The following RPF2 variants were observed in gnomAD, a reference collection of about 807,000 sequenced individuals.
The protein encoded by RPF2 is brix domain containing 1.
A neutral mutation model predicts 38.9 loss-of-function variants in RPF2; 21 were observed. The ratio of observed to expected loss-of-function variants is 0.54; its 90% CI spans 0.38 to 0.78. The LOEUF (loss-of-function observed/expected upper bound fraction) is 0.78. Ranked by LOEUF, RPF2 falls within the 30% of genes least tolerant of loss-of-function variation. RPF2 has a pLI of 0.00. For synonymous variants in RPF2, 121 were observed against 126.2 expected, an observed-to-expected ratio of 0.96 and a Z score of 0.28; for missense variants, 314 against 358.1, an observed-to-expected ratio of 0.88 and a Z score of 0.99.
At chr6:110,997,843 G>A (rs911127745) in intron 5 of RPF2, among the ~76,000 whole-genome samples, 11 of 151,878 alleles carry the variant, frequency 7.2e-5, no homozygotes, top group South Asian at 2.1e-4. Context: ...GGCTTTATAT[G>A]TGTTGGTATG....
chr6:110,998,690 C>G (rs578221174), intron 5 of RPF2, among the ~76,000 whole-genome samples: 2 of 152,080 alleles, frequency 1.3e-5, no homozygotes, highest in Admixed American at 6.6e-5. Flanking sequence ...CCCACTCACC[C>G]GACCCCAACC....
chr6:110,983,799 G>T (rs1181003726), intron 1 of RPF2, among the ~76,000 whole-genome samples: 1 of 139,850 alleles, frequency 7.2e-6, no homozygotes, highest in African/African-American at 2.7e-5. Context: ...GCTGAGGCGG[G>T]GGGGTGGGTC....
chr6:110,982,939 G>T (rs1771457829), intron 1 of RPF2, among the ~76,000 whole-genome samples: 1 of 152,194 alleles, frequency 6.6e-6, no homozygotes. Context: ...ATTTGCATTT[G>T]TTGCTGTTTA....
chr6:111,003,129 A>G (rs920777653), intron 6 of RPF2, among the ~76,000 whole-genome samples: 1 of 145,364 alleles, frequency 6.9e-6, no homozygotes, highest in Non-Finnish European at 1.5e-5. Context: ...AGTGTCACCA[A>G]TACCCCATTA....
chr6:111,012,945 C>T (rs761775948), intron 7 of RPF2, among the ~76,000 whole-genome samples: 198 of 152,338 alleles, frequency 1.3e-3, no homozygotes, highest in Non-Finnish European at 2.0e-3. Context: ...GCTGGGATTA[C>T]AGGCATGAGC....
Position 110,983,759 on chromosome 6 carries a change from C to T in RPF2, c.24-1247C>T, listed in dbSNP as rs535540574. Among the ~76,000 whole-genome samples the T allele has an allele frequency of 9.9e-5, 15 of 151,894 alleles. No homozygotes were observed. The South Asian group carries it at 2.9e-3, about 29-fold the overall frequency. On this transcript the variant is annotated intron_variant, in intron 1 of 9. Transcript: ENST00000441448. ...AAGAATTGTAACTCGCGCGTGGAGG[C>T]TCACGCCTGTAATCCCAGCACTTTG...
intron 9 of RPF2, among the ~76,000 whole-genome samples, chr6:111,024,751 A>G (rs1387572410): frequency 1.3e-5 from 2 of 152,134 alleles, no homozygotes; most frequent in African/African-American, 4.8e-5. Flanking sequence ...GATCAATACA[A>G]TAGATTAAAC....
chr6:111,024,234 G>C lies in RPF2; in HGVS notation c.648G>C (p.Glu216Asp), dbSNP rs927800757. 2 of 1,611,664 alleles carry C rather than the reference G, an allele frequency of 1.2e-6. No homozygotes were observed. Among genetic ancestry groups the C allele is most frequent in the African/African-American group, 1.3e-5 (1 of 74,834 alleles). The change falls in exon 9 of 10, where the codon GAG becomes GAC. Residue 216 changes from glutamate (E) to aspartate (D), a missense_variant. Glu to Asp is a conservative substitution (Grantham distance 45, BLOSUM62 2). Transcript: ENST00000441448. ...GAACACCACGGATTGAATTGGAAGAGATGGGACCCTCATTGGATCTGGTTC... is the reference window on the plus strand; with the variant it reads ...GAACACCACGGATTGAATTGGAAGACATGGGACCCTCATTGGATCTGGTTC... ...GCRTPRIELE[E>D]MGPSLDLVLR...
At chr6:111,019,771 T>G (rs577690262) in intron 8 of RPF2, among the ~76,000 whole-genome samples, 28 of 152,270 alleles carry the variant, frequency 1.8e-4, no homozygotes, top group Middle Eastern at 3.4e-3. Context: ...AAAATTACCT[T>G]CAGGCTATGT....
chr6:111,013,914 A>G (rs1772060884), intron 7 of RPF2, among the ~76,000 whole-genome samples: 1 of 152,138 alleles, frequency 6.6e-6, no homozygotes. Context: ...AGGCAGGAGG[A>G]GTGCTTGAGT....
chr6:111,008,556 C>A (rs1771957249), intron 7 of RPF2, among the ~76,000 whole-genome samples: 1 of 152,080 alleles, frequency 6.6e-6, no homozygotes, highest in Non-Finnish European at 1.5e-5. Flanking sequence ...TTCCTGCACC[C>A]ATCTCCTGTC....
chr6:110,992,302 C>T (rs550866829), intron 4 of RPF2, among the ~76,000 whole-genome samples: 1 of 151,772 alleles, frequency 6.6e-6, no homozygotes, highest in Non-Finnish European at 1.5e-5. Flanking sequence ...AAGGGTGAAA[C>T]TCCGGCTCAA....
chr6:111,011,967 T>C (rs1220425429), intron 7 of RPF2, among the ~76,000 whole-genome samples: 3 of 152,024 alleles, frequency 2.0e-5, no homozygotes, highest in African/African-American at 7.2e-5. Flanking sequence ...GTTTTCAGTA[T>C]AAATATGAAG....
chr6:110,991,443 G>A (rs1241076444), intron 3 of RPF2, among the ~76,000 whole-genome samples: 1 of 140,858 alleles, frequency 7.1e-6, no homozygotes, highest in Non-Finnish European at 1.5e-5. Context: ...ATTGAATACT[G>A]TCAATCCGTG....
In RPF2 at chr6:111,027,115, A is replaced by T. The variant is rs1200714535; in HGVS notation, c.*1533A>T. On this transcript the variant is annotated 3_prime_UTR_variant, in exon 10 of 10. Coordinates refer to ENST00000441448, the MANE Select transcript of RPF2 (RefSeq NM_032194.3). ...TCCGTGCCTGTGTATACATGCCTTT[A>T]TGTAAGCTTGCTCAGCTACAGATCA... The T allele has an allele frequency of 6.6e-6, 1 of 152,122 alleles. No individual in the cohort carries two copies. Among genetic ancestry groups the T allele is most frequent in the African/African-American group, 2.4e-5 (1 of 41,412 alleles). The allele number at this position is 152,122 out of a possible 1,614,324, so 9.4% of individuals were successfully genotyped here.
intron 3 of RPF2, among the ~76,000 whole-genome samples, chr6:110,990,335 G>C (rs892456769): frequency 6.6e-6 from 1 of 152,064 alleles, no homozygotes; most frequent in Non-Finnish European, 1.5e-5. Flanking sequence ...CAGTTCCTTA[G>C]TCTTTCATTG....
Position 110,982,122 on chromosome 6 carries a change from C to A in RPF2, c.16C>A (p.Arg6=), listed in dbSNP as rs747818621. The A allele has an allele frequency of 3.0e-5, 48 of 1,614,046 alleles. No individual in the cohort carries two copies. In the Middle Eastern group the frequency reaches 6.6e-4, roughly 22 times the overall value. MDTLD[R]VVKPKTKRAK... ...AGCGGTAGCGATGGACACTCTGGAT[C>A]GAGTAGTGTAAGTGCGCTGGGTCTC... The change falls in exon 1 of 10, where the codon CGA becomes AGA. Residue 6 remains arginine, a synonymous_variant. Transcript: ENST00000441448.
chr6:111,003,298 T>C (rs970395856), intron 6 of RPF2, among the ~76,000 whole-genome samples: 2 of 152,090 alleles, frequency 1.3e-5, no homozygotes, highest in Admixed American at 6.6e-5. Flanking sequence ...GTCCTTCTCC[T>C]CCACCCTCAC....
intron 1 of RPF2, among the ~76,000 whole-genome samples, chr6:110,983,310 G>A (rs1203822574): frequency 6.6e-6 from 1 of 151,884 alleles, no homozygotes; most frequent in Non-Finnish European, 1.5e-5. Flanking sequence ...TATTTTACAG[G>A]GTAATTGGTC....
Sources: allele counts gnomAD v4.1 joint callset (sites outside exome capture counted in the v4.1 genomes callset), GRCh38; gene constraint gnomAD v4.1.1; transcripts MANE v1.5; gene names NCBI Gene and HGNC (gene_info 2026-07-23, HGNC 2026-07-21).